Variants in CEP112 observed in about 807,000 individuals in gnomAD.
CEP112 encodes the protein centrosomal protein 112.
In CEP112, 127 loss-of-function variants were observed where a neutral mutation model predicts 153.0. The observed-to-expected ratio is 0.83, with a 90% CI of 0.72 to 0.96. The LOEUF is 0.96. Among genes scored for constraint, CEP112 ranks in the 40% least tolerant of loss-of-function variants. CEP112 has a pLI of 0.00. For missense variants in CEP112, 1,089 were observed against 1,101.2 expected, an observed-to-expected ratio of 0.99 and a Z score of 0.16; for synonymous variants, 358 against 374.4, an observed-to-expected ratio of 0.96 and a Z score of 0.51.
intron 17 of CEP112, among the ~76,000 whole-genome samples, chr17:65,968,061 C>T (rs1358374009): frequency 6.6e-6 from 1 of 152,026 alleles, no homozygotes; most frequent in Non-Finnish European, 1.5e-5. Context: ...TACAAACTCA[C>T]TAATGTATTT....
At chr17:65,777,112 T>A (rs1055470430) in intron 21 of CEP112, among the ~76,000 whole-genome samples, 3 of 152,162 alleles carry the variant, frequency 2.0e-5, no homozygotes, top group Non-Finnish European at 4.4e-5. Flanking sequence ...GGCATGTAAA[T>A]GGAGGCACTG....
intron 13 of CEP112, among the ~76,000 whole-genome samples, chr17:66,029,501 A>C (rs2065369487): frequency 2.0e-5 from 3 of 152,152 alleles, no homozygotes; most frequent in African/African-American, 7.2e-5. Context: ...GTTTGAGACC[A>C]GCCTGGGCAA....
In CEP112 at chr17:66,022,427, G is replaced by A. The variant is rs150553996; in HGVS notation, c.1656+5074C>T. Among the ~76,000 whole-genome samples the A allele has an allele frequency of 2.3e-3, 350 of 152,250 alleles. 2 individuals carry two copies. The highest frequency in any genetic ancestry group is 7.9e-3 in the African/African-American group (327 of 41,540). On this transcript the variant is annotated intron_variant, in intron 16 of 26. Coordinates refer to ENST00000535342, the MANE Select transcript of CEP112 (RefSeq NM_001199165.4). Reference sequence around the variant, plus strand: ...TAAAATTTTTGAAATGCTAGATAAAGGCCAGGCACAGTGGCTCATGCCTGT... The same window carrying A: ...TAAAATTTTTGAAATGCTAGATAAAAGCCAGGCACAGTGGCTCATGCCTGT...
chr17:66,061,209 G>A (rs561481020), intron 11 of CEP112, among the ~76,000 whole-genome samples: 2 of 152,116 alleles, frequency 1.3e-5, no homozygotes, highest in African/African-American at 4.8e-5. Context: ...TTAGGGAAAG[G>A]CAAACCAAAC....
Position 66,029,523 on chromosome 17 carries a change from C to A in CEP112, c.1374-271G>T, listed in dbSNP as rs1032325684. 1.1e-4 allele frequency among the ~76,000 whole-genome samples: 16 copies of A among 151,744 alleles called. 1 individual carries two copies. The highest frequency in any genetic ancestry group is 4.4e-5 in the Non-Finnish European group (3 of 67,968). ...ACCAGCCTGGGCAACAGAGTGAGAC[C>A]GTGTCTCTACAAAAAAATAAAAATA... On this transcript the variant is annotated intron_variant, in intron 13 of 26. Transcript: ENST00000535342.
chr17:66,187,017 C>T lies in CEP112; in HGVS notation c.-8-3710G>A, dbSNP rs532864307. Among the ~76,000 whole-genome samples the T allele has an allele frequency of 1.6e-3, 241 of 152,296 alleles. 1 individual carries two copies. The highest frequency in any genetic ancestry group is 2.9e-3 in the Non-Finnish European group (194 of 68,020). ...CCTCTACCTGTCCTCTATCAATTGCCTATTTGCTATGTAAAATTTTCCATC... is the reference window on the plus strand; with the variant it reads ...CCTCTACCTGTCCTCTATCAATTGCTTATTTGCTATGTAAAATTTTCCATC... On this transcript the variant is annotated intron_variant, in intron 1 of 26. Coordinates refer to ENST00000535342, the MANE Select transcript of CEP112 (RefSeq NM_001199165.4).
intron 23 of CEP112, among the ~76,000 whole-genome samples, chr17:65,717,072 A>C (rs2049567539): frequency 1.3e-5 from 2 of 152,266 alleles, no homozygotes; most frequent in African/African-American, 2.4e-5. Flanking sequence ...AGCTGCAATA[A>C]AATTTCTATT....
Position 65,851,982 on chromosome 17 carries a change from T to A in CEP112, c.2216A>T (p.Asn739Ile), listed in dbSNP as rs201402783. 56 of 1,613,838 alleles carry A rather than the reference T, an allele frequency of 3.5e-5. No homozygotes were observed. Among genetic ancestry groups the A allele is most frequent in the Admixed American group, 3.0e-4 (18 of 59,970 alleles). The change falls in exon 21 of 27, where the codon AAT becomes ATT. Residue 739 changes from asparagine to isoleucine, a missense_variant. Asn to Ile is a moderately radical substitution (Grantham distance 149). Transcript: ENST00000535342. ...CTGCTGTTTCCGCTGTGAGTTCACA[T>A]TGATCAATTCTTCTCTCAACTTGTG... ...QVHKLREELINVNSQRKQQLV... is the reference protein window; with the variant it reads ...QVHKLREELIIVNSQRKQQLV...
chr17:66,060,263 T>C (rs1049239461), intron 11 of CEP112, among the ~76,000 whole-genome samples: 4 of 152,074 alleles, frequency 2.6e-5, no homozygotes, highest in Admixed American at 2.6e-4. Context: ...CACCTGCACA[T>C]CTACCCTCTG....
chr17:65,856,229 G>A (rs576294741), intron 20 of CEP112, among the ~76,000 whole-genome samples: 10 of 152,216 alleles, frequency 6.6e-5, no homozygotes, highest in South Asian at 2.1e-4. Flanking sequence ...ATAGAATTGC[G>A]CATTGGAAGG....
At chr17:65,853,093 G>A (rs561577182) in intron 20 of CEP112, among the ~76,000 whole-genome samples, 9 of 152,264 alleles carry the variant, frequency 5.9e-5, no homozygotes, top group African/African-American at 2.2e-4. Flanking sequence ...CCATAACAAA[G>A]TAGCACAAAC....
intron 21 of CEP112, among the ~76,000 whole-genome samples, chr17:65,817,066 T>G (rs2056310040): frequency 6.6e-6 from 1 of 151,992 alleles, no homozygotes; most frequent in African/African-American, 2.4e-5. Context: ...ACTAAAATGT[T>G]ACATACCTTT....
chr17:65,892,852 T>A (rs1470655453), intron 20 of CEP112, among the ~76,000 whole-genome samples: 1 of 152,144 alleles, frequency 6.6e-6, no homozygotes, highest in Non-Finnish European at 1.5e-5. Flanking sequence ...TTTCAAAAAA[T>A]TAGCTTTTCA....
chr17:65,992,944 AC>A (rs869146089), intron 17 of CEP112, among the ~76,000 whole-genome samples: 1 of 28,938 alleles, frequency 3.5e-5, no homozygotes, highest in Non-Finnish European at 8.9e-5. Flanking sequence ...TTTTATTTTT[AC>A]TTTTAAGTTC....
chr17:66,068,980 A>C (rs968207394), intron 9 of CEP112, among the ~76,000 whole-genome samples: 5 of 151,958 alleles, frequency 3.3e-5, no homozygotes, highest in African/African-American at 1.2e-4. Context: ...AATGGGGGAG[A>C]GGAAATTGGA....
intron 19 of CEP112, among the ~76,000 whole-genome samples, chr17:65,911,136 C>T (rs2060267798): frequency 6.6e-6 from 1 of 152,158 alleles, no homozygotes; most frequent in South Asian, 2.1e-4. Context: ...ATAAGCCCTT[C>T]TTGGAAAAGC....
At chr17:65,856,490 T>C (rs997227682) in intron 20 of CEP112, among the ~76,000 whole-genome samples, 3 of 152,228 alleles carry the variant, frequency 2.0e-5, no homozygotes, top group Non-Finnish European at 2.9e-5. Context: ...TATTGTACTT[T>C]ATTAATTTGT....
intron 20 of CEP112, among the ~76,000 whole-genome samples, chr17:65,876,781 A>G (rs2058843022): frequency 6.6e-6 from 1 of 151,942 alleles, no homozygotes; most frequent in Non-Finnish European, 1.5e-5. Context: ...AATATTCTTG[A>G]TATCAATTTT....
intron 24 of CEP112, among the ~76,000 whole-genome samples, chr17:65,673,222 G>A (rs572485431): frequency 2.0e-4 from 31 of 152,250 alleles, no homozygotes; most frequent in Middle Eastern, 3.4e-3. Context: ...TGTGAGCTGC[G>A]CGTCCCTCTC....
Sources: gnomAD v4.1 joint callset for allele counts (sites outside exome capture counted in the v4.1 genomes callset) on GRCh38, gnomAD v4.1.1 for gene constraint, MANE v1.5 for transcripts, NCBI Gene and HGNC (gene_info 2026-07-23, HGNC 2026-07-21) for gene names.